The following NEGR1 variants were observed in gnomAD, a reference collection of about 807,000 sequenced individuals.
NEGR1 encodes neuronal growth regulator 1.
In NEGR1, 10 loss-of-function variants were observed where a neutral mutation model predicts 40.9. The ratio of observed to expected loss-of-function variants is 0.24; its 90% CI spans 0.15 to 0.42. The LOEUF is 0.42. Ranked by LOEUF, NEGR1 falls within the 10% of genes least tolerant of loss-of-function variation. The pLI is 1.00. For synonymous variants in NEGR1, 185 were observed against 166.8 expected (o/e 1.11, Z -0.84); for missense variants, 352 against 438.9 (o/e 0.80, Z 1.77).
At chr1:71,991,819 C>T (rs896383577) in intron 1 of NEGR1, among the ~76,000 whole-genome samples, 3 of 152,068 alleles carry the variant, frequency 2.0e-5, no homozygotes, top group Non-Finnish European at 4.4e-5. Context: ...TGAGACAGAG[C>T]CTTGCTCTGT....
intron 1 of NEGR1, among the ~76,000 whole-genome samples, chr1:72,030,216 AT>A (rs1231178685): frequency 2.7e-5 from 4 of 150,020 alleles, no homozygotes; most frequent in Admixed American, 2.0e-4. Flanking sequence ...TCTTTTTGAG[AT>A]GGAGTCTTGC....
At chr1:71,525,468 A>G (rs1003490531) in intron 6 of NEGR1, among the ~76,000 whole-genome samples, 1 of 151,688 alleles carries the variant, frequency 6.6e-6, no homozygotes, top group African/African-American at 2.4e-5. Context: ...AAAGATAGGT[A>G]TTTCAATTCT....
chr1:72,093,647 G>A (rs1007117483), intron 1 of NEGR1, among the ~76,000 whole-genome samples: 5 of 152,036 alleles, frequency 3.3e-5, no homozygotes, highest in Admixed American at 1.3e-4. Context: ...TTGGTGATGT[G>A]CTTCTTTTTT....
intron 3 of NEGR1, among the ~76,000 whole-genome samples, chr1:71,704,202 CAA>C (rs1553159871): frequency 6.9e-6 from 1 of 144,160 alleles, no homozygotes; most frequent in Non-Finnish European, 1.5e-5. Flanking sequence ...CACACACACA[CAA>C]GATTTAAAAT....
At chr1:71,562,080 A>G (rs1167925118) in intron 6 of NEGR1, among the ~76,000 whole-genome samples, 1 of 151,738 alleles carries the variant, frequency 6.6e-6, no homozygotes, top group Non-Finnish European at 1.5e-5. Context: ...ATGACTTATT[A>G]AAGTTCTTTA....
At chr1:72,161,676 C>CTTTTTTTTTTTTTTTT (rs779074685) in intron 1 of NEGR1, among the ~76,000 whole-genome samples, 4 of 84,568 alleles carry the variant, frequency 4.7e-5, no homozygotes, top group African/African-American at 5.1e-5. Context: ...TTCTTTCTTT[C>CTTTTTTTTTTTTTTTT]TTTTTTTTTT....
intron 3 of NEGR1, among the ~76,000 whole-genome samples, chr1:71,754,015 A>G (rs892204168): frequency 1.3e-5 from 2 of 152,204 alleles, no homozygotes; most frequent in African/African-American, 4.8e-5. Flanking sequence ...TAAAGCACAC[A>G]TGATTTCAGG....
chr1:72,156,722 G>A (rs950786145), intron 1 of NEGR1, among the ~76,000 whole-genome samples: 2 of 152,096 alleles, frequency 1.3e-5, no homozygotes, highest in African/African-American at 4.8e-5. Context: ...AGAATTGATA[G>A]ACTAAAATAC....
intron 2 of NEGR1, among the ~76,000 whole-genome samples, chr1:71,841,743 A>C (rs1659246711): frequency 6.6e-6 from 1 of 152,180 alleles, no homozygotes; most frequent in Non-Finnish European, 1.5e-5. Context: ...CATATCGTAG[A>C]AATACAATTC....
At chr1:71,733,270 A>T (rs1654946747) in intron 3 of NEGR1, among the ~76,000 whole-genome samples, 1 of 152,156 alleles carries the variant, frequency 6.6e-6, no homozygotes, top group Non-Finnish European at 1.5e-5. Flanking sequence ...TCTTTACAGA[A>T]ATGATAAGAA....
At chr1:72,195,710 A>G (rs944018114) in intron 1 of NEGR1, among the ~76,000 whole-genome samples, 11 of 151,864 alleles carry the variant, frequency 7.2e-5, no homozygotes, top group Admixed American at 7.2e-4. Context: ...CAGGGACCAT[A>G]TCCAATGTAA....
At chr1:71,449,992 ATTT>A (rs71783919) in intron 6 of NEGR1, among the ~76,000 whole-genome samples, 3 of 139,212 alleles carry the variant, frequency 2.2e-5, no homozygotes, top group African/African-American at 2.7e-5. Context: ...TTTTATATAG[ATTT>A]TTTTTTTTTT....
intron 1 of NEGR1, among the ~76,000 whole-genome samples, chr1:71,941,529 T>C (rs577175344): frequency 2.6e-5 from 4 of 152,260 alleles, no homozygotes; most frequent in Admixed American, 6.5e-5. Flanking sequence ...TGGTTCTTAT[T>C]ATCTTTCTAT....
intron 3 of NEGR1, among the ~76,000 whole-genome samples, chr1:71,699,932 A>G (rs2611625): frequency 0.017 from 2,527 of 151,416 alleles, 60 homozygotes; most frequent in African/African-American, 0.058. Context: ...CCATCATTTC[A>G]CCTCCCACCA....
intron 5 of NEGR1, among the ~76,000 whole-genome samples, chr1:71,596,067 GAAAC>G (rs1649702613): frequency 8.5e-6 from 1 of 118,250 alleles, no homozygotes; most frequent in African/African-American, 2.9e-5. Context: ...AAAAAAAAGA[GAAAC>G]AAATTCTGTA....
At chr1:71,707,632 GC>G (rs1403394746) in intron 3 of NEGR1, among the ~76,000 whole-genome samples, 3 of 152,232 alleles carry the variant, frequency 2.0e-5, no homozygotes, top group African/African-American at 7.2e-5. Context: ...TGACTATAGA[GC>G]CCCAGGGCTG....
intron 1 of NEGR1, among the ~76,000 whole-genome samples, chr1:72,211,260 C>A (rs115657523): frequency 0.013 from 1,957 of 151,530 alleles, 41 homozygotes; most frequent in African/African-American, 0.045. Flanking sequence ...ACAACAACAA[C>A]AAAAAAATCT....
At chr1:71,585,581 T>C (rs1649275647) in intron 6 of NEGR1, among the ~76,000 whole-genome samples, 1 of 151,956 alleles carries the variant, frequency 6.6e-6, no homozygotes, top group African/African-American at 2.4e-5. Flanking sequence ...TTGTCAGCTG[T>C]GGGAAATGTA....
chr1:72,185,293 C>A (rs1447171159), intron 1 of NEGR1, among the ~76,000 whole-genome samples: 1 of 151,814 alleles, frequency 6.6e-6, no homozygotes, highest in African/African-American at 2.4e-5. Context: ...ATTATGCAGT[C>A]TTTCTGTTAG....
Sources: allele counts gnomAD v4.1 joint callset (sites outside exome capture counted in the v4.1 genomes callset), GRCh38; gene constraint gnomAD v4.1.1; transcripts MANE v1.5; gene names NCBI Gene and HGNC (gene_info 2026-07-23, HGNC 2026-07-21).